The following ARL10 variants were observed in gnomAD, a reference collection of about 807,000 sequenced individuals.
The protein encoded by ARL10 is ARF like GTPase 10.
In ARL10, 23 loss-of-function variants were observed where a neutral mutation model predicts 26.1. The ratio of observed to expected loss-of-function variants is 0.88; its 90% CI spans 0.63 to 1.25. ARL10 has a LOEUF of 1.25. Among genes scored for constraint, ARL10 ranks in the 50% most tolerant of loss-of-function variants. The probability of loss-of-function intolerance (pLI) is 0.00; values close to 1 mark genes in which losing one functional copy is unlikely to be tolerated. For missense variants in ARL10, 300 were observed against 323.6 expected (o/e 0.93, Z 0.56); for synonymous variants, 138 against 149.1 (o/e 0.93, Z 0.54).
chr5:176,406,726 A>G, downstream of ARL10: 3 of 1,280,820 alleles, frequency 2.3e-6, no homozygotes, highest in Non-Finnish European at 3.0e-6. Context: ...AAAGAGGAAG[A>G]AAGGAAGCAC....
At chr5:176,408,554 A>C in the ARL10 span, among the ~76,000 whole-genome samples, 44 of 152,006 alleles carry the variant, frequency 2.9e-4, no homozygotes, top group East Asian at 8.5e-3. Context: ...AAAAAAAAAA[A>C]AGACTCACCC....
At chr5:176,412,727 T>G in the ARL10 span, among the ~76,000 whole-genome samples, 1 of 152,164 alleles carries the variant, frequency 6.6e-6, no homozygotes, top group Non-Finnish European at 1.5e-5. Context: ...AGTGATTGAT[T>G]CCAACCAACT....
At position 176,372,721 on chromosome 5, in the gene ARL10, T is replaced by G. The variant is rs1040710021; in HGVS notation, c.*826T>G. Reference sequence around the variant, plus strand: ...GTGCCAGTGCCCATGTTTACAGAAGTCAGGGGAAGGAAGGAGCCTGTGTCC... The same window carrying G: ...GTGCCAGTGCCCATGTTTACAGAAGGCAGGGGAAGGAAGGAGCCTGTGTCC... On this transcript the variant is annotated 3_prime_UTR_variant, in exon 4 of 4. Coordinates refer to ENST00000310389, the MANE Select transcript of ARL10 (RefSeq NM_173664.6). The G allele has an allele frequency of 2.5e-6, 1 of 395,242 alleles. No individual in the cohort carries two copies. The highest frequency in any genetic ancestry group is 2.1e-5 in the African/African-American group (1 of 48,586). The allele number at this position is 395,242 out of a possible 1,614,324, so 24.5% of individuals were successfully genotyped here.
chr5:176,412,055 A>G, the ARL10 span, among the ~76,000 whole-genome samples: 1 of 151,834 alleles, frequency 6.6e-6, no homozygotes, highest in African/African-American at 2.4e-5. Context: ...AGGCGCCTGT[A>G]GTCCCAGCCA....
At chr5:176,408,840 A>T in the ARL10 span, among the ~76,000 whole-genome samples, 8 of 152,224 alleles carry the variant, frequency 5.3e-5, no homozygotes, top group Non-Finnish European at 1.2e-4. Flanking sequence ...CGTTTTTTGC[A>T]GGATAAAAAC....
downstream of ARL10, among the ~76,000 whole-genome samples, chr5:176,382,462 A>G (rs896769187): frequency 6.6e-6 from 1 of 152,150 alleles, no homozygotes; most frequent in African/African-American, 2.4e-5. Flanking sequence ...GAGCATGCAG[A>G]GCGTCCACTC....
downstream of ARL10, chr5:176,386,789 C>A: frequency 6.6e-7 from 1 of 1,523,342 alleles, no homozygotes; most frequent in Non-Finnish European, 9.1e-7. Context: ...CCCTTCCCAG[C>A]TTCCCACAGT....
chr5:176,373,454 A>G lies in ARL10; in HGVS notation c.*1559A>G, dbSNP rs897173594. ...TTTTTAAGAGGAGCTGTGCACCTCA[A>G]TTTGCTGTCTAGTTGAGAATAGAGA... On this transcript the variant is annotated 3_prime_UTR_variant, in exon 4 of 4. Coordinates refer to ENST00000310389, the MANE Select transcript of ARL10 (RefSeq NM_173664.6). 1.2e-5 allele frequency: 2 copies of G among 166,236 alleles called. No individual in the cohort carries two copies. Among genetic ancestry groups the G allele is most frequent in the African/African-American group, 4.8e-5 (2 of 42,094 alleles). 10.3% of individuals were successfully genotyped at this position (166,236 alleles called of 1,614,324 possible).
At position 176,368,892 on chromosome 5, in the gene ARL10, C is replaced by T. The variant is rs763082067; in HGVS notation, c.471C>T (p.Asp157=). 3.7e-6 allele frequency: 6 copies of T among 1,614,190 alleles called. No individual in the cohort carries two copies. The highest frequency in any genetic ancestry group is 4.2e-6 in the Non-Finnish European group (5 of 1,180,036). Residue 157 remains aspartate, a synonymous_variant, in exon 3 of 4, where the codon GAC becomes GAT. Coordinates refer to ENST00000310389, the MANE Select transcript of ARL10 (RefSeq NM_173664.6). This position sits in a 1 kb window ranked among gnomAD's most constrained non-coding sequence, Gnocchi z 4.1. ...DVLVFVVDSA[D]RLRLPWARQE... is the part of the protein sequence containing the mutation. The stretch of plus-strand genomic sequence containing the variant: ...TGGTGTTTGTGGTGGACTCGGCTGA[C>T]CGACTGCGGCTGCCCTGGGCCCGAC...
At chr5:176,369,240 G>GTT (rs753077529) in intron 3 of ARL10, 66 of 1,267,056 alleles carry the variant, frequency 5.2e-5, no homozygotes, top group East Asian at 6.9e-5. Context: ...TTTTGTTTTT[G>GTT]TTTTTTTTTT....
rs149292241 is a variant in ARL10 at position 176,375,390 on chromosome 5, C to A, written c.*3495C>A. 3 of 151,640 alleles carry A rather than the reference C, an allele frequency of 2.0e-5. No homozygotes were observed. In the East Asian group the frequency reaches 5.8e-4, roughly 29 times the overall value. 9.4% of individuals were successfully genotyped at this position (151,640 alleles called of 1,614,324 possible). ...ATCTGTGGCTTCTACCTGTGCGAAT[C>A]TCTGTGCTACAAAATTCTTTTCAAT... On this transcript the variant is annotated 3_prime_UTR_variant, in exon 4 of 4. Transcript: ENST00000310389.
chr5:176,386,156 T>C (rs1232234494), downstream of ARL10: 1 of 156,162 alleles, frequency 6.4e-6, no homozygotes, highest in African/African-American at 2.4e-5. Context: ...GTTAGGATGG[T>C]AACTTTTATG....
Position 176,371,961 on chromosome 5 carries a change from C to T in ARL10, c.*66C>T. The T allele has an allele frequency of 1.3e-6, 2 of 1,556,786 alleles. No homozygotes were observed. The highest frequency in any genetic ancestry group is 2.4e-5 in the South Asian group (2 of 83,636). On this transcript the variant is annotated 3_prime_UTR_variant, in exon 4 of 4. Transcript: ENST00000310389. The stretch of plus-strand genomic sequence containing the variant: ...AGTTGTACTGCTGCTGCTTCATTGC[C>T]AGACTGGGCCTGGGGCAAGAGCCAC...
rs1377914595 is a variant in ARL10 at position 176,377,204 on chromosome 5, C to T, written c.*5309C>T. The T allele has an allele frequency of 6.6e-6, 1 of 152,166 alleles. No individual in the cohort carries two copies. Among genetic ancestry groups the T allele is most frequent in the African/African-American group, 2.4e-5 (1 of 41,438 alleles). The allele number at this position is 152,166 out of a possible 1,614,324, so 9.4% of individuals were successfully genotyped here. A position where few individuals can be genotyped will look rare whatever the true frequency, so the allele number is the denominator to read the frequency against. ...GATCAGAAAAAAATGAAATTCAAAG[C>T]CAATGGTGGTATCTTTGGCCAAGAT... On this transcript the variant is annotated 3_prime_UTR_variant, in exon 4 of 4. Transcript: ENST00000310389. This position sits in a 1 kb window ranked among gnomAD's most constrained non-coding sequence, Gnocchi z 4.5.
chr5:176,366,481 C>T lies in ARL10; in HGVS notation c.285C>T (p.Arg95=), dbSNP rs777716101. ...GCGCAGGCAAGAGCACGTTCCTGCG[C>T]GTGTTGTCGGGGAAGCCACCGCTGG... The part of the protein sequence containing the change: ...LDGAGKSTFL[R]VLSGKPPLEG... Residue 95 remains arginine, a synonymous_variant, in exon 2 of 4, where the codon CGC becomes CGT. Transcript: ENST00000310389. 34 of 1,613,890 alleles carry T rather than the reference C, an allele frequency of 2.1e-5. No individual in the cohort carries two copies. The Middle Eastern group carries it at 6.6e-4, about 31-fold the overall frequency.
At chr5:176,389,395 G>C, downstream of ARL10, 2 of 1,614,178 alleles carry the variant, frequency 1.2e-6, no homozygotes, top group Non-Finnish European at 1.7e-6. Context: ...GCAACAGCCA[G>C]CGCTCTCAGC....
At position 176,368,121 on chromosome 5, in the gene ARL10, G is replaced by C. The variant is rs1045231226; in HGVS notation, c.386-686G>C. On this transcript the variant is annotated intron_variant, in intron 2 of 3. Coordinates refer to ENST00000310389, the MANE Select transcript of ARL10 (RefSeq NM_173664.6). This position sits in a 1 kb window ranked among gnomAD's most constrained non-coding sequence, Gnocchi z 4.1. ...ATAGCCAGAAACACTAGGGTGCGGG[G>C]TGACCAATGGGACTGTGCAGAGGAG... 4.2e-6 allele frequency: 2 copies of C among 477,868 alleles called. No homozygotes were observed. Among genetic ancestry groups the C allele is most frequent in the African/African-American group, 4.0e-5 (2 of 50,378 alleles). The allele number at this position is 477,868 out of a possible 1,614,324, so 29.6% of individuals were successfully genotyped here.
downstream of ARL10, chr5:176,384,721 G>A (rs534198235): frequency 1.3e-5 from 5 of 384,690 alleles, no homozygotes; most frequent in Non-Finnish European, 2.3e-5. Context: ...GGTGAGCCAT[G>A]ATCACACCAC....
the ARL10 span, among the ~76,000 whole-genome samples, chr5:176,408,288 C>A: frequency 2.0e-5 from 3 of 151,114 alleles, no homozygotes; most frequent in Non-Finnish European, 4.4e-5. Flanking sequence ...AATCCCAGCA[C>A]TTTGGGAGGC....
Sources: allele counts gnomAD v4.1 joint callset (sites outside exome capture counted in the v4.1 genomes callset), GRCh38; gene constraint gnomAD v4.1.1; non-coding constraint Gnocchi (gnomAD v3.1); transcripts MANE v1.5; gene names NCBI Gene and HGNC (gene_info 2026-07-23, HGNC 2026-07-21).